Variants in PDE11A observed in about 807,000 individuals in gnomAD.
PDE11A encodes the protein dual 3',5'-cyclic-AMP and -GMP phosphodiesterase 11A.
In PDE11A, 100 loss-of-function variants were observed where a neutral mutation model predicts 100.5. The observed-to-expected ratio is 1.00, with a 90% CI of 0.85 to 1.18. The LOEUF is 1.18. PDE11A is among the 50% of genes most tolerant of loss of function. The pLI, the probability that PDE11A is intolerant of heterozygous loss-of-function variation, is 0.00. For synonymous variants in PDE11A, 381 were observed against 420.8 expected (o/e 0.91, Z 1.16); for missense variants, 1,141 against 1,152.6 (o/e 0.99, Z 0.15).
chr2:177,644,109 G>A (rs958525767), intron 19 of PDE11A, among the ~76,000 whole-genome samples: 2 of 152,226 alleles, frequency 1.3e-5, no homozygotes, highest in Non-Finnish European at 2.9e-5. Context: ...CCCACACAGA[G>A]TCCCCACCTG....
chr2:177,959,491 A>G (rs1328324035), intron 2 of PDE11A, among the ~76,000 whole-genome samples: 1 of 152,242 alleles, frequency 6.6e-6, no homozygotes, highest in Non-Finnish European at 1.5e-5. Context: ...GGCTATACCA[A>G]TAGTCCAGAC....
At chr2:177,994,481 T>C (rs2086045279) in intron 2 of PDE11A, among the ~76,000 whole-genome samples, 1 of 152,220 alleles carries the variant, frequency 6.6e-6, no homozygotes, top group African/African-American at 2.4e-5. Flanking sequence ...CCAAGTTTTT[T>C]TCCTAGGGAT....
At position 177,769,323 on chromosome 2, in the gene PDE11A, C is replaced by T. The variant is rs755274734; in HGVS notation, c.1788G>A (p.Lys596=). Reference sequence around the variant, plus strand: ...ATAAGGAAACCATTTTCTTCCTTACCTTAAACTTGTCAACTTCAGCTTTTG... The same window carrying T: ...ATAAGGAAACCATTTTCTTCCTTACTTTAAACTTGTCAACTTCAGCTTTTG... The part of the protein sequence containing the change: ...TCSKAEVDKF[K]AANIPLVSEL... The change falls in exon 10 of 20, where the codon AAG becomes AAA. Residue 596 remains lysine (K), a splice_region_variant and synonymous_variant. Coordinates refer to ENST00000286063, the MANE Select transcript of PDE11A (RefSeq NM_016953.4). 1 of 1,583,276 alleles carries T rather than the reference C, an allele frequency of 6.3e-7. No individual in the cohort carries two copies. Among genetic ancestry groups the T allele is most frequent in the Admixed American group, 1.7e-5 (1 of 59,972 alleles).
In PDE11A at chr2:177,904,347, C is replaced by G. The variant is rs528212160; in HGVS notation, c.1161+751G>C. Among the ~76,000 whole-genome samples the G allele has an allele frequency of 1.1e-4, 17 of 152,110 alleles. 1 individual carries two copies. The South Asian group carries it at 2.7e-3, about 24-fold the overall frequency. On this transcript the variant is annotated intron_variant, in intron 3 of 19. Coordinates refer to ENST00000286063, the MANE Select transcript of PDE11A (RefSeq NM_016953.4). ...TCTAGTGAAGGGCACTTTCAGAAAC[C>G]CTTTCAATCCAAAAATGGTTTCAAT... is the stretch of plus-strand genomic sequence containing the variant.
intron 10 of PDE11A, among the ~76,000 whole-genome samples, chr2:177,764,813 G>A (rs1008710870): frequency 6.6e-6 from 1 of 152,184 alleles, no homozygotes; most frequent in African/African-American, 2.4e-5. Context: ...TAGATGCACA[G>A]GGCAATCAAC....
intron 2 of PDE11A, among the ~76,000 whole-genome samples, chr2:178,087,817 A>G (rs2087377538): frequency 6.6e-6 from 1 of 152,114 alleles, no homozygotes; most frequent in Non-Finnish European, 1.5e-5. Flanking sequence ...TATACTTAGG[A>G]GTAGGGAGGA....
intron 2 of PDE11A, among the ~76,000 whole-genome samples, chr2:177,979,640 T>C (rs1216156150): frequency 9.6e-6 from 1 of 104,496 alleles, no homozygotes; most frequent in East Asian, 2.7e-4. Flanking sequence ...AGACAGAGTC[T>C]CACTCTGTCG....
At chr2:177,882,876 C>T (rs904520577) in intron 4 of PDE11A, among the ~76,000 whole-genome samples, 2 of 152,090 alleles carry the variant, frequency 1.3e-5, no homozygotes, top group East Asian at 3.8e-4. Flanking sequence ...ATATTCCGGG[C>T]ACCAAAATAA....
rs771860947 is a variant in PDE11A at position 177,769,383 on chromosome 2, A to C, written c.1738-10T>G. 1.2e-5 allele frequency: 19 copies of C among 1,532,446 alleles called. No homozygotes were observed. Among genetic ancestry groups the C allele is most frequent in the Middle Eastern group, 3.4e-4 (2 of 5,910 alleles). The allele number at this position is 1,532,446 out of a possible 1,614,324, so 94.9% of individuals were successfully genotyped here. A position where few individuals can be genotyped will look rare whatever the true frequency, so the allele number is the denominator to read the frequency against. On this transcript the variant is annotated splice_polypyrimidine_tract_variant and intron_variant, in intron 9 of 19. Coordinates refer to ENST00000286063, the MANE Select transcript of PDE11A (RefSeq NM_016953.4). ...CATGGTATGATAGCACCTGATTCAG[A>C]AGAAAAAAAAATAATTTTAATAACT...
intron 4 of PDE11A, among the ~76,000 whole-genome samples, chr2:177,877,586 C>T (rs1006742068): frequency 2.0e-5 from 3 of 151,994 alleles, no homozygotes; most frequent in Non-Finnish European, 2.9e-5. Context: ...CTGTGATATG[C>T]GAATAATATT....
chr2:177,832,379 A>G (rs1441685486), intron 6 of PDE11A, among the ~76,000 whole-genome samples: 2 of 152,156 alleles, frequency 1.3e-5, no homozygotes, highest in African/African-American at 4.8e-5. Context: ...AACAAGTCAG[A>G]TTGGCTTAGC....
chr2:178,052,325 G>C (rs1393747903), intron 1 of PDE11A, among the ~76,000 whole-genome samples: 1 of 152,204 alleles, frequency 6.6e-6, no homozygotes, highest in Non-Finnish European at 1.5e-5. Context: ...TGAGAACAAA[G>C]ACACAACATA....
At position 177,646,386 on chromosome 2, in the gene PDE11A, T is replaced by C. The variant is rs573090794; in HGVS notation, c.2647-16824A>G. Among the ~76,000 whole-genome samples, 20 of 152,362 alleles carry C rather than the reference T, an allele frequency of 1.3e-4. 2 individuals carry two copies. Among genetic ancestry groups the C allele is most frequent in the African/African-American group, 3.4e-4 (14 of 41,588 alleles). On this transcript the variant is annotated intron_variant, in intron 19 of 19. Coordinates refer to ENST00000286063, the MANE Select transcript of PDE11A (RefSeq NM_016953.4). ...TTAACTACTGAGTATTCATGTGCCCTATGTTCCAGGAGCCATACTTGGAGT... is the reference window on the plus strand; with the variant it reads ...TTAACTACTGAGTATTCATGTGCCCCATGTTCCAGGAGCCATACTTGGAGT...
intron 1 of PDE11A, among the ~76,000 whole-genome samples, chr2:178,061,532 C>T (rs1404175726): frequency 2.6e-5 from 4 of 152,126 alleles, no homozygotes; most frequent in East Asian, 1.9e-4. Flanking sequence ...ATCTACCAAG[C>T]GTCTACTCTA....
At chr2:177,904,883 C>G (rs764894395) in intron 3 of PDE11A, among the ~76,000 whole-genome samples, 1 of 152,098 alleles carries the variant, frequency 6.6e-6, no homozygotes, top group Non-Finnish European at 1.5e-5. Context: ...GCTTGTACCC[C>G]TTCCCCCAAA....
intron 1 of PDE11A, among the ~76,000 whole-genome samples, chr2:178,053,830 GA>G (rs2086861863): frequency 6.6e-6 from 1 of 152,076 alleles, no homozygotes; most frequent in Non-Finnish European, 1.5e-5. Flanking sequence ...TCCTCAAGGA[GA>G]ACTACAAACC....
At position 177,629,166 on chromosome 2, in the gene PDE11A, C is replaced by A; in HGVS notation, c.*241G>T. ...CCCAGAGCCTTCATTTCAGCCCATG[C>A]GTGTTCATTAGGGAAAAGTGAGGGT... is the stretch of plus-strand genomic sequence containing the variant. On this transcript the variant is annotated 3_prime_UTR_variant, in exon 20 of 20. Transcript: ENST00000286063. The A allele has an allele frequency of 5.5e-6, 3 of 545,594 alleles. No homozygotes were observed. The South Asian group carries it at 6.0e-5, about 11-fold the overall frequency. The allele number at this position is 545,594 out of a possible 1,614,324, so 33.8% of individuals were successfully genotyped here.
intron 2 of PDE11A, among the ~76,000 whole-genome samples, chr2:177,925,426 C>T (rs1304559573): frequency 1.3e-5 from 2 of 151,822 alleles, no homozygotes; most frequent in African/African-American, 2.4e-5. Context: ...GCCATTCTAA[C>T]TGGTGTGAGA....
chr2:178,059,464 G>A (rs1237190664), intron 1 of PDE11A, among the ~76,000 whole-genome samples: 2 of 152,194 alleles, frequency 1.3e-5, no homozygotes, highest in African/African-American at 4.8e-5. Context: ...TCTACCATGG[G>A]TCGGGTGGCT....
Sources: gnomAD v4.1 joint callset for allele counts (sites outside exome capture counted in the v4.1 genomes callset) on GRCh38, gnomAD v4.1.1 for gene constraint, MANE v1.5 for transcripts, NCBI Gene and HGNC (gene_info 2026-07-23, HGNC 2026-07-21) for gene names.